CFAP263: variants seen among roughly 807,000 people sequenced by gnomAD.
CFAP263 encodes cilia- and flagella-associated protein 263.
chr16:58,278,028 T>C, the CFAP263 span, among the ~76,000 whole-genome samples: 1 of 152,204 alleles, frequency 6.6e-6, no homozygotes, highest in South Asian at 2.1e-4. Flanking sequence ...AGAATGTGAA[T>C]GTACTTAATG....
the CFAP263 span, among the ~76,000 whole-genome samples, chr16:58,277,129 T>A: frequency 6.6e-6 from 1 of 152,010 alleles, no homozygotes; most frequent in Admixed American, 6.6e-5. Flanking sequence ...TGTTAAAATT[T>A]TTTTTTAAAT....
At chr16:58,277,100 G>A in the CFAP263 span, among the ~76,000 whole-genome samples, 110,500 of 152,028 alleles carry the variant, frequency 0.73, 41,054 homozygotes, top group African/African-American at 0.89. Context: ...AATTAGTAAA[G>A]TAAAAGTTAA....
the CFAP263 span, among the ~76,000 whole-genome samples, chr16:58,251,430 C>T: frequency 3.6e-4 from 55 of 152,310 alleles, no homozygotes; most frequent in Middle Eastern, 3.4e-3. Context: ...CTCGCTCTGT[C>T]GCCCAGGCTG....
the CFAP263 span, chr16:58,267,404 C>T: frequency 2.0e-6 from 2 of 1,010,466 alleles, no homozygotes; most frequent in African/African-American, 3.2e-5. Flanking sequence ...TGTTCGTTAA[C>T]AAAGAGATGT....
At chr16:58,268,321 G>A in the CFAP263 span, among the ~76,000 whole-genome samples, 1 of 152,334 alleles carries the variant, frequency 6.6e-6, no homozygotes, top group East Asian at 1.9e-4. Context: ...AGGATATGAT[G>A]CAAAGAGAAC....
the CFAP263 span, among the ~76,000 whole-genome samples, chr16:58,275,269 G>A: frequency 6.7e-6 from 1 of 149,106 alleles, no homozygotes; most frequent in South Asian, 2.1e-4. Flanking sequence ...GGTAGCCTGG[G>A]AGTCTGCAGC....
At chr16:58,266,319 TTCTCTTC>T in the CFAP263 span, among the ~76,000 whole-genome samples, 2 of 148,040 alleles carry the variant, frequency 1.4e-5, no homozygotes, top group East Asian at 4.0e-4. Flanking sequence ...GCTTGGAATG[TTCTCTTC>T]TCTCTTCACC....
the CFAP263 span, among the ~76,000 whole-genome samples, chr16:58,260,755 T>G: frequency 2.6e-5 from 4 of 152,132 alleles, no homozygotes; most frequent in African/African-American, 9.7e-5. Context: ...GACACAAAAC[T>G]GGGCAGGAGA....
the CFAP263 span, among the ~76,000 whole-genome samples, chr16:58,270,291 A>G: frequency 6.6e-6 from 1 of 152,208 alleles, no homozygotes; most frequent in African/African-American, 2.4e-5. Context: ...AAATATGCTC[A>G]GAACACTTAC....
At chr16:58,279,555 C>T in the CFAP263 span, 1 of 673,800 alleles carries the variant, frequency 1.5e-6, no homozygotes, top group South Asian at 2.0e-5. Context: ...CACGCTGCCC[C>T]ACACAGGGTT....
At chr16:58,259,815 A>C in the CFAP263 span, 1 of 1,297,154 alleles carries the variant, frequency 7.7e-7, no homozygotes, top group Non-Finnish European at 1.1e-6. Context: ...AAAGGAGAGA[A>C]ATGGATTAAA....
At chr16:58,278,181 T>C in the CFAP263 span, among the ~76,000 whole-genome samples, 3 of 151,902 alleles carry the variant, frequency 2.0e-5, no homozygotes, top group African/African-American at 7.3e-5. Context: ...AGAAAAACCC[T>C]AAGAAGTCAA....
chr16:58,255,384 G>A, the CFAP263 span, among the ~76,000 whole-genome samples: 1 of 152,202 alleles, frequency 6.6e-6, no homozygotes, highest in African/African-American at 2.4e-5. Context: ...CACACTGAGG[G>A]TGGATCTTCC....
At chr16:58,268,648 C>G in the CFAP263 span, among the ~76,000 whole-genome samples, 2 of 152,018 alleles carry the variant, frequency 1.3e-5, no homozygotes, top group Non-Finnish European at 2.9e-5. Flanking sequence ...ATCATTTTCT[C>G]GATGGACAAC....
chr16:58,275,258 G>A, the CFAP263 span, among the ~76,000 whole-genome samples: 19 of 152,002 alleles, frequency 1.2e-4, no homozygotes, highest in Middle Eastern at 3.4e-3. Flanking sequence ...GGTAGGTCTC[G>A]GGTAGCCTGG....
the CFAP263 span, among the ~76,000 whole-genome samples, chr16:58,251,767 C>T: frequency 2.9e-4 from 44 of 152,022 alleles, 3 homozygotes; most frequent in Admixed American, 2.3e-3. Context: ...TTGTACCAAC[C>T]TAATAGATTA....
the CFAP263 span, chr16:58,250,038 C>T: frequency 6.3e-7 from 1 of 1,595,532 alleles, no homozygotes; most frequent in Non-Finnish European, 8.5e-7. Context: ...AGTCCGAGAG[C>T]GTCCTCTCCG....
At chr16:58,264,659 C>G in the CFAP263 span, among the ~76,000 whole-genome samples, 4 of 152,156 alleles carry the variant, frequency 2.6e-5, no homozygotes, top group East Asian at 7.7e-4. Context: ...AGGACAGTGC[C>G]TGGCTAAAGC....
the CFAP263 span, chr16:58,254,065 A>T: frequency 3.1e-6 from 5 of 1,614,190 alleles, no homozygotes; most frequent in Non-Finnish European, 4.2e-6. Flanking sequence ...ACTGCCGACC[A>T]AAAACTTGAG....
Sources: allele counts gnomAD v4.1 joint callset (sites outside exome capture counted in the v4.1 genomes callset), GRCh38; gene constraint gnomAD v4.1.1; transcripts MANE v1.5; gene names NCBI Gene and HGNC (gene_info 2026-07-23, HGNC 2026-07-21).